FOSL2: variants seen among roughly 807,000 people sequenced by gnomAD.
FOSL2 encodes FOS like 2, AP-1 transcription factor subunit.
Under a neutral mutation model 27.7 loss-of-function variants are expected in FOSL2, and 3 were observed. The observed-to-expected ratio is 0.11, with a 90% CI of 0.05 to 0.28. The LOEUF is 0.28. Among genes scored for constraint, FOSL2 ranks in the 10% least tolerant of loss-of-function variants. The pLI is 1.00. For missense variants in FOSL2, 333 were observed against 445.1 expected, an observed-to-expected ratio of 0.75 and a Z score of 2.27; for synonymous variants, 179 against 190.1, an observed-to-expected ratio of 0.94 and a Z score of 0.48.
At chr2:28,397,955 G>C (rs1663888841) in intron 1 of FOSL2, among the ~76,000 whole-genome samples, 1 of 152,200 alleles carries the variant, frequency 6.6e-6, no homozygotes, top group Non-Finnish European at 1.5e-5. Context: ...TCAGGCTGAG[G>C]CCAAAGTAGG....
At position 28,404,138 on chromosome 2, in the gene FOSL2, G is replaced by C. The variant is rs779943173; in HGVS notation, c.134G>C (p.Ser45Thr). The stretch of plus-strand genomic sequence containing the variant: ...CGGGTAGATATGCCTGGCTCAGGCA[G>C]TGCATTCATCCCCACCATCAACGCC... The part of the protein sequence containing the change: ...KFRVDMPGSG[S>T]AFIPTINAIT... Residue 45 changes from serine (S) to threonine (T), a missense_variant, in exon 2 of 4, where the codon AGT (serine) becomes ACT (threonine). Physicochemically the swap from Ser to Thr is moderately conservative, Grantham distance 58. Transcript: ENST00000264716. The surrounding 1 kb of genome is among the most constrained non-coding windows in gnomAD (Gnocchi z 4.7). 4 of 1,614,186 alleles carry C rather than the reference G, an allele frequency of 2.5e-6. No homozygotes were observed. Among genetic ancestry groups the C allele is most frequent in the Non-Finnish European group, 2.5e-6 (3 of 1,180,012 alleles).
rs1467086510 is a variant in FOSL2 at position 28,408,560 on chromosome 2, C to T, written c.355-199C>T. Among the ~76,000 whole-genome samples the T allele has an allele frequency of 6.6e-6, 1 of 152,218 alleles. No homozygotes were observed. The highest frequency in any genetic ancestry group is 2.4e-5 in the African/African-American group (1 of 41,452). Reference sequence around the variant, plus strand: ...ATCACCTTCCGGGGCAGATTCAGCTCAAAAGAGCCCTCCCAGGCAGCCAGA... The same window carrying T: ...ATCACCTTCCGGGGCAGATTCAGCTTAAAAGAGCCCTCCCAGGCAGCCAGA... On this transcript the variant is annotated intron_variant, in intron 2 of 3. Transcript: ENST00000264716. This position sits in a 1 kb window ranked among gnomAD's most constrained non-coding sequence, Gnocchi z 4.1.
Position 28,404,223 on chromosome 2 carries a change from C to T in FOSL2, c.219C>T (p.Ser73=), listed in dbSNP as rs1350296169. 1.2e-6 allele frequency: 2 copies of T among 1,614,230 alleles called. No homozygotes were observed. The highest frequency in any genetic ancestry group is 1.7e-6 in the Non-Finnish European group (2 of 1,180,044). Residue 73 remains serine, a synonymous_variant, in exon 2 of 4, where the codon TCC becomes TCT. Transcript: ENST00000264716. This position sits in a 1 kb window ranked among gnomAD's most constrained non-coding sequence, Gnocchi z 4.7. The stretch of plus-strand genomic sequence containing the variant: ...AGCCCACAGTGATCACCTCCATGTC[C>T]AACCCATACCCTCGCTCGCACCCCT... The part of the protein sequence containing the change: ...MVQPTVITSM[S]NPYPRSHPYS...
chr2:28,399,425 T>C (rs545686104), intron 1 of FOSL2, among the ~76,000 whole-genome samples: 19 of 152,222 alleles, frequency 1.2e-4, no homozygotes, highest in African/African-American at 4.6e-4. Context: ...GCAACTGTTG[T>C]GGGGGGAACT....
In FOSL2 at chr2:28,414,333, T is replaced by C. The variant is rs1664269151; in HGVS notation, c.*1885T>C. Reference sequence around the variant, plus strand: ...TGGGACTGGAAGTGACCTGTACAAGTGATGCAGAAAGGAGGGTTTCAAAGA... The same window carrying C: ...TGGGACTGGAAGTGACCTGTACAAGCGATGCAGAAAGGAGGGTTTCAAAGA... On this transcript the variant is annotated 3_prime_UTR_variant, in exon 4 of 4. Coordinates refer to ENST00000264716, the MANE Select transcript of FOSL2 (RefSeq NM_005253.4). The C allele has an allele frequency of 6.5e-6, 1 of 153,176 alleles. No individual in the cohort carries two copies. The highest frequency in any genetic ancestry group is 1.5e-5 in the Non-Finnish European group (1 of 68,734). 9.5% of individuals were successfully genotyped at this position (153,176 alleles called of 1,614,324 possible). A position where few individuals can be genotyped will look rare whatever the true frequency, so the allele number is the denominator to read the frequency against.
intron 1 of FOSL2, chr2:28,397,186 C>T (rs1355058224): frequency 1.3e-5 from 2 of 151,932 alleles, no homozygotes; most frequent in Non-Finnish European, 2.9e-5. Flanking sequence ...TTTCGTTGTG[C>T]ACAAGTACCC....
In FOSL2 at chr2:28,392,958, GAGAGA is replaced by G; in HGVS notation, c.-762_-758del. ...GGACAGAAAGAGGGAGAGAGAGAGA[GAGAGA>G]GAGGGAGAGGCGCGGCCGGGCGAGG... On this transcript the variant is annotated 5_prime_UTR_variant, in exon 1 of 4. Transcript: ENST00000264716. 1.4e-6 allele frequency: 1 copy of G among 693,440 alleles called. No homozygotes were observed. The highest frequency in any genetic ancestry group is 1.5e-5 in the South Asian group (1 of 66,236). The allele number at this position is 693,440 out of a possible 1,614,324, so 43.0% of individuals were successfully genotyped here.
At position 28,408,753 on chromosome 2, in the gene FOSL2, C is replaced by G; in HGVS notation, c.355-6C>G. On this transcript the variant is annotated splice_polypyrimidine_tract_variant and splice_region_variant and intron_variant, in intron 2 of 3. Transcript: ENST00000264716. This position sits in a 1 kb window ranked among gnomAD's most constrained non-coding sequence, Gnocchi z 4.1. ...TCTAACCATGATCCTTGGCTTTGGC[C>G]TCTAGCTGTCTCCTGAAGAGGAGGA... 2 of 1,602,604 alleles carry G rather than the reference C, an allele frequency of 1.2e-6. No homozygotes were observed. Among genetic ancestry groups the G allele is most frequent in the South Asian group, 1.1e-5 (1 of 89,858 alleles).
chr2:28,406,153 G>A (rs757423255), intron 2 of FOSL2, among the ~76,000 whole-genome samples: 5 of 151,062 alleles, frequency 3.3e-5, no homozygotes, highest in East Asian at 2.0e-4. Context: ...CCACCTCCGC[G>A]GTTCAAGCAA....
At chr2:28,401,238 T>TA (rs11377007) in intron 1 of FOSL2, among the ~76,000 whole-genome samples, 55,880 of 141,698 alleles carry the variant, frequency 0.39, 11,181 homozygotes, top group South Asian at 0.54. Context: ...CTTGGGGGTT[T>TA]AAAAAAAAAA....
In FOSL2 at chr2:28,404,485, C is replaced by T. The variant is rs1029524599; in HGVS notation, c.354+127C>T. The T allele has an allele frequency of 7.6e-6, 9 of 1,177,274 alleles. No individual in the cohort carries two copies. Among genetic ancestry groups the T allele is most frequent in the East Asian group, 2.4e-5 (1 of 41,228 alleles). 72.9% of individuals were successfully genotyped at this position (1,177,274 alleles called of 1,614,324 possible). On this transcript the variant is annotated intron_variant, in intron 2 of 3. Coordinates refer to ENST00000264716, the MANE Select transcript of FOSL2 (RefSeq NM_005253.4). This position sits in a 1 kb window ranked among gnomAD's most constrained non-coding sequence, Gnocchi z 4.7. ...CAGGGGAGACAAGGGAGCTAGGGGT[C>T]GAAGAGCACGTCATCCCCCTTACTG...
In FOSL2 at chr2:28,392,969, A is replaced by G; in HGVS notation, c.-752A>G. The G allele has an allele frequency of 1.5e-6, 1 of 660,700 alleles. No individual in the cohort carries two copies. Among genetic ancestry groups the G allele is most frequent in the African/African-American group, 1.9e-5 (1 of 52,804 alleles). 40.9% of individuals were successfully genotyped at this position (660,700 alleles called of 1,614,324 possible). On this transcript the variant is annotated 5_prime_UTR_variant, in exon 1 of 4. Transcript: ENST00000264716. ...GGGAGAGAGAGAGAGAGAGAGAGGG[A>G]GAGGCGCGGCCGGGCGAGGCGGGCC...
rs75402972 is a variant in FOSL2, at chr2:28,404,487, A to G, written c.354+129A>G. 51 of 1,177,354 alleles carry G rather than the reference A, an allele frequency of 4.3e-5. No homozygotes were observed. The highest frequency in any genetic ancestry group is 5.8e-5 in the Non-Finnish European group (49 of 844,408). 72.9% of individuals were successfully genotyped at this position (1,177,354 alleles called of 1,614,324 possible). The stretch of plus-strand genomic sequence containing the variant: ...GGGGAGACAAGGGAGCTAGGGGTCG[A>G]AGAGCACGTCATCCCCCTTACTGGA... On this transcript the variant is annotated intron_variant, in intron 2 of 3. Transcript: ENST00000264716. This position sits in a 1 kb window ranked among gnomAD's most constrained non-coding sequence, Gnocchi z 4.7.
Position 28,404,011 on chromosome 2 carries a change from G to C in FOSL2, c.103-96G>C. 6.9e-7 allele frequency: 1 copy of C among 1,447,236 alleles called. No homozygotes were observed. The highest frequency in any genetic ancestry group is 9.5e-7 in the Non-Finnish European group (1 of 1,050,176). 89.6% of individuals were successfully genotyped at this position (1,447,236 alleles called of 1,614,324 possible). On this transcript the variant is annotated intron_variant, in intron 1 of 3. Transcript: ENST00000264716. The surrounding 1 kb of genome is among the most constrained non-coding windows in gnomAD (Gnocchi z 4.7). Reference sequence around the variant, plus strand: ...GCCCTTCGAACACTGACTGTGCTCTGTGCTGGTTTTTGCCTCAGCTCTGTT... The same window carrying C: ...GCCCTTCGAACACTGACTGTGCTCTCTGCTGGTTTTTGCCTCAGCTCTGTT...
At position 28,414,000 on chromosome 2, in the gene FOSL2, C is replaced by A. The variant is rs1444821969; in HGVS notation, c.*1552C>A. ...GGTCCCTGCTGCCCACCCCTCTGAG[C>A]CTTTTCTCCCCAGGGTATGGCTCCT... On this transcript the variant is annotated 3_prime_UTR_variant, in exon 4 of 4. Transcript: ENST00000264716. The A allele has an allele frequency of 1.5e-5, 6 of 395,884 alleles. No homozygotes were observed. Among genetic ancestry groups the A allele is most frequent in the Non-Finnish European group, 2.7e-5 (6 of 224,996 alleles). 24.5% of individuals were successfully genotyped at this position (395,884 alleles called of 1,614,324 possible). A position where few individuals can be genotyped will look rare whatever the true frequency, so the allele number is the denominator to read the frequency against.
At chr2:28,394,326 T>C (rs1352119263) in intron 1 of FOSL2, among the ~76,000 whole-genome samples, 3 of 152,090 alleles carry the variant, frequency 2.0e-5, no homozygotes, top group East Asian at 1.9e-4. Flanking sequence ...AGAAACATGG[T>C]TGGACTCCTT....
chr2:28,393,739 G>C lies in FOSL2; in HGVS notation c.19G>C (p.Gly7Arg). The C allele has an allele frequency of 6.2e-7, 1 of 1,610,098 alleles. No individual in the cohort carries two copies. The stretch of plus-strand genomic sequence containing the variant: ...GCGGATCATGTACCAGGATTATCCC[G>C]GGAACTTTGACACCTCGTCCCGGGG... MYQDYP[G>R]NFDTSSRGSS... The change falls in exon 1 of 4, where the codon GGG (glycine) becomes CGG (arginine). Residue 7 changes from glycine to arginine, a missense_variant. Physicochemically the swap from Gly to Arg is moderately radical, Grantham distance 125. Around this residue, in one of 4 missense-constraint regions of FOSL2, gnomAD observed 131 missense variants for 157.9 expected, o/e 0.83. Coordinates refer to ENST00000264716, the MANE Select transcript of FOSL2 (RefSeq NM_005253.4). This position sits in a 1 kb window ranked among gnomAD's most constrained non-coding sequence, Gnocchi z 4.6.
At chr2:28,410,793 C>T (rs1013326327) in intron 3 of FOSL2, among the ~76,000 whole-genome samples, 8 of 152,184 alleles carry the variant, frequency 5.3e-5, no homozygotes, top group African/African-American at 1.2e-4. Context: ...CTGTGTCAAG[C>T]GTGGTGGCTG....
At chr2:28,407,561 C>G (rs1041017121) in intron 2 of FOSL2, among the ~76,000 whole-genome samples, 6 of 152,208 alleles carry the variant, frequency 3.9e-5, no homozygotes, top group Admixed American at 3.3e-4. Flanking sequence ...AGGCAGTATC[C>G]CTCCTTGGGG....
Sources: allele counts gnomAD v4.1 joint callset (sites outside exome capture counted in the v4.1 genomes callset), GRCh38; gene constraint gnomAD v4.1.1; regional missense constraint gnomAD v4.1.1; non-coding constraint Gnocchi (gnomAD v3.1); transcripts MANE v1.5; gene names NCBI Gene and HGNC (gene_info 2026-07-23, HGNC 2026-07-21).